Variants in MAF observed in about 807,000 individuals in gnomAD.
MAF encodes transcription factor Maf.
Under a neutral mutation model 22.0 loss-of-function variants are expected in MAF, and 10 were observed. The observed-to-expected ratio is 0.45, with a 90% CI of 0.28 to 0.77. MAF has a LOEUF of 0.77. Ranked by LOEUF, MAF falls within the 30% of genes least tolerant of loss-of-function variation. The pLI is 0.12. For synonymous variants in MAF, 337 were observed against 255.8 expected, an observed-to-expected ratio of 1.32 and a Z score of -3.03; for missense variants, 544 against 548.4, an observed-to-expected ratio of 0.99 and a Z score of 0.08.
At chr16:79,570,476 T>G in the MAF span, among the ~76,000 whole-genome samples, 1 of 152,222 alleles carries the variant, frequency 6.6e-6, no homozygotes, top group African/African-American at 2.4e-5. Context: ...AGATCTTTCT[T>G]TGACATCTCC....
At chr16:79,568,890 C>A in the MAF span, among the ~76,000 whole-genome samples, 1 of 152,202 alleles carries the variant, frequency 6.6e-6, no homozygotes, top group African/African-American at 2.4e-5. Flanking sequence ...TTAATCCTTA[C>A]AAGCATTCTT....
the MAF span, among the ~76,000 whole-genome samples, chr16:79,523,482 G>A: frequency 0.87 from 132,986 of 152,258 alleles, 58,683 homozygotes; most frequent in South Asian, 0.96. Context: ...TCATTCATTT[G>A]TTCACTCATT....
intron 1 of MAF, chr16:79,597,699 A>G (rs912972520): frequency 9.8e-7 from 1 of 1,020,642 alleles, no homozygotes; most frequent in Non-Finnish European, 1.2e-6. Flanking sequence ...CAATAAAACA[A>G]AAGTATGAAT....
At chr16:79,557,130 C>G in the MAF span, among the ~76,000 whole-genome samples, 1 of 151,766 alleles carries the variant, frequency 6.6e-6, no homozygotes, top group African/African-American at 2.4e-5. Flanking sequence ...AAGCTCTTCT[C>G]AGCCAACACT....
the MAF span, among the ~76,000 whole-genome samples, chr16:79,413,225 T>TTG: frequency 5.0e-5 from 1 of 19,986 alleles, no homozygotes; most frequent in Non-Finnish European, 9.2e-5. Flanking sequence ...TTTTTTTTTT[T>TTG]TTTTTTTTTT....
chr16:79,588,809 C>A (rs533719531), intron 1 of MAF, among the ~76,000 whole-genome samples: 12 of 151,294 alleles, frequency 7.9e-5, no homozygotes, highest in African/African-American at 2.9e-4. Context: ...GTTAAAGGGT[C>A]CCAGGAAAAA....
At chr16:79,542,522 G>A in the MAF span, among the ~76,000 whole-genome samples, 1 of 152,286 alleles carries the variant, frequency 6.6e-6, no homozygotes, top group East Asian at 1.9e-4. Flanking sequence ...ACATCTCTGA[G>A]GCCCTTGGAT....
At chr16:79,281,546 C>CTTTT in the MAF span, among the ~76,000 whole-genome samples, 16 of 115,520 alleles carry the variant, frequency 1.4e-4, no homozygotes, top group East Asian at 8.3e-4. Context: ...TCTTTGAAGA[C>CTTTT]TTTTTTTTTT....
the MAF span, among the ~76,000 whole-genome samples, chr16:79,210,465 C>T: frequency 8.5e-5 from 13 of 152,100 alleles, no homozygotes; most frequent in African/African-American, 1.9e-4. Context: ...AGCTTTGGGT[C>T]GGGTCGGAAA....
chr16:79,408,264 C>A, the MAF span, among the ~76,000 whole-genome samples: 1 of 151,906 alleles, frequency 6.6e-6, no homozygotes, highest in Admixed American at 6.5e-5. Flanking sequence ...GCAACTGCCA[C>A]CTCCCGGGTT....
At chr16:79,421,705 T>C in the MAF span, among the ~76,000 whole-genome samples, 1 of 151,622 alleles carries the variant, frequency 6.6e-6, no homozygotes, top group Non-Finnish European at 1.5e-5. Flanking sequence ...GGCACAATTG[T>C]TGGCCGCTGC....
At chr16:79,596,900 T>C (rs1460534898) in intron 1 of MAF, 2 of 1,049,966 alleles carry the variant, frequency 1.9e-6, no homozygotes, top group Non-Finnish European at 2.3e-6. Context: ...TTTTTTGTAT[T>C]ATATGCTTGC....
At chr16:79,322,743 G>A in the MAF span, among the ~76,000 whole-genome samples, 1 of 152,086 alleles carries the variant, frequency 6.6e-6, no homozygotes, top group Admixed American at 6.5e-5. Flanking sequence ...CGTGGCAGGG[G>A]GTATAAAGAG....
the MAF span, among the ~76,000 whole-genome samples, chr16:79,536,033 T>C: frequency 1.3e-5 from 2 of 152,242 alleles, no homozygotes; most frequent in East Asian, 1.9e-4. Context: ...TGTTTGGTTC[T>C]GCATGCTATG....
chr16:79,408,171 G>GCTTTT, the MAF span, among the ~76,000 whole-genome samples: 1 of 151,132 alleles, frequency 6.6e-6, no homozygotes, highest in South Asian at 2.1e-4. Flanking sequence ...TAACATCGTG[G>GCTTTT]CTTTTCTTTT....
chr16:79,316,964 C>T, the MAF span, among the ~76,000 whole-genome samples: 1 of 152,166 alleles, frequency 6.6e-6, no homozygotes, highest in African/African-American at 2.4e-5. Flanking sequence ...GTTCATTACT[C>T]TTATTTAGCA....
At chr16:79,569,190 G>C in the MAF span, among the ~76,000 whole-genome samples, 3 of 152,328 alleles carry the variant, frequency 2.0e-5, no homozygotes, top group African/African-American at 7.2e-5. Context: ...TCGAGGGTCG[G>C]ATAACGCTTT....
chr16:79,411,376 CTTGAG>C, the MAF span, among the ~76,000 whole-genome samples: 5 of 152,190 alleles, frequency 3.3e-5, no homozygotes, highest in African/African-American at 9.7e-5. Context: ...ATTATGAACA[CTTGAG>C]TTATCTGCCC....
At chr16:79,443,680 G>A in the MAF span, among the ~76,000 whole-genome samples, 3 of 152,228 alleles carry the variant, frequency 2.0e-5, no homozygotes, top group Non-Finnish European at 4.4e-5. Flanking sequence ...GGGGGAACCA[G>A]CTTTTACCTC....
Sources: gnomAD v4.1 joint callset for allele counts (sites outside exome capture counted in the v4.1 genomes callset) on GRCh38, gnomAD v4.1.1 for gene constraint, MANE v1.5 for transcripts, NCBI Gene and HGNC (gene_info 2026-07-23, HGNC 2026-07-21) for gene names.